Variants in SPRY2 observed in about 807,000 individuals in gnomAD.
The protein encoded by SPRY2 is protein sprouty homolog 2.
Under a neutral mutation model 23.4 loss-of-function variants are expected in SPRY2, and 10 were observed. The observed-to-expected ratio is 0.43, with a 90% confidence interval of 0.26 to 0.73. SPRY2 has a LOEUF of 0.73. Among genes scored for constraint, SPRY2 ranks in the 30% least tolerant of loss-of-function variants. The probability of loss-of-function intolerance (pLI) is 0.22; values close to 1 mark genes in which losing one functional copy is unlikely to be tolerated. For missense variants in SPRY2, 344 were observed against 396.9 expected (o/e 0.87, Z 1.13); for synonymous variants, 170 against 156.9 (o/e 1.08, Z -0.62).
In SPRY2 at chr13:80,337,167, T is replaced by C; in HGVS notation, c.539A>G (p.Asp180Gly). The C allele has an allele frequency of 6.2e-7, 1 of 1,613,846 alleles. No individual in the cohort carries two copies. The highest frequency in any genetic ancestry group is 8.5e-7 in the Non-Finnish European group (1 of 1,179,718). Reference protein sequence around the residue: ...DLGLHAYRCEDCGKCKCKECT... With the variant: ...DLGLHAYRCEGCGKCKCKECT... ...CTCCTTACATTTGCACTTGCCACAGTCCTCACACCTGTAGGCGTGCAGGCC... is the reference window on the plus strand; with the variant it reads ...CTCCTTACATTTGCACTTGCCACAGCCCTCACACCTGTAGGCGTGCAGGCC... Residue 180 changes from aspartate (D) to glycine (G), a missense_variant, in exon 2 of 2, where the codon GAC (aspartate) becomes GGC (glycine). Physicochemically the swap from Asp to Gly is moderately conservative, Grantham distance 94. Coordinates refer to ENST00000377104, the MANE Select transcript of SPRY2 (RefSeq NM_005842.4).
Position 80,337,660 on chromosome 13 carries a change from G to A in SPRY2, c.46C>T (p.Gln16Ter). 1 of 1,613,536 alleles carries A rather than the reference G, an allele frequency of 6.2e-7. No individual in the cohort carries two copies. Among genetic ancestry groups the A allele is most frequent in the Non-Finnish European group, 8.5e-7 (1 of 1,180,032 alleles). ...QSGNGSQPLL[Q>*]TPRDGGRQRG... is the part of the protein sequence containing the mutation. ...TGTCTGCCACCGTCACGGGGCGTCT[G>A]CAGCAAGGGCTGCGACCCGTTGCCA... is the stretch of plus-strand genomic sequence containing the variant. Residue 16 changes from glutamine to a stop codon, truncating the protein, a stop_gained, in exon 2 of 2, where the codon CAG (glutamine) becomes TAG (stop). Coordinates refer to ENST00000377104, the MANE Select transcript of SPRY2 (RefSeq NM_005842.4). LOFTEE classifies it high-confidence loss of function.
chr13:80,336,273 T>C lies in SPRY2; in HGVS notation c.*485A>G, dbSNP rs887918655. Reference sequence around the variant, plus strand: ...AGGCTTTCTGTAAGGCAAAATACAATCTAAAAACATACTGATTGATTCACA... The same window carrying C: ...AGGCTTTCTGTAAGGCAAAATACAACCTAAAAACATACTGATTGATTCACA... On this transcript the variant is annotated 3_prime_UTR_variant, in exon 2 of 2. Coordinates refer to ENST00000377104, the MANE Select transcript of SPRY2 (RefSeq NM_005842.4). 4 of 195,196 alleles carry C rather than the reference T, an allele frequency of 2.0e-5. No individual in the cohort carries two copies. The highest frequency in any genetic ancestry group is 9.5e-5 in the African/African-American group (4 of 42,144). The allele number at this position is 195,196 out of a possible 1,614,324, so 12.1% of individuals were successfully genotyped here.
At chr13:80,339,225 C>T (rs1358560872) in intron 1 of SPRY2, 1 of 152,372 alleles carries the variant, frequency 6.6e-6, no homozygotes, top group Non-Finnish European at 1.5e-5. Context: ...GCACAGGTTT[C>T]CCACCCCGAC....
rs780666583 is a variant in SPRY2 at position 80,337,217 on chromosome 13, AAGCTCACCTGGCTTG to A, written c.474_488del (p.Gly161_Pro165del). 12 of 1,611,912 alleles carry A rather than the reference AAGCTCACCTGGCTTG, an allele frequency of 7.4e-6. No individual in the cohort carries two copies. The South Asian group carries it at 1.3e-4, about 18-fold the overall frequency. On this transcript the variant is annotated inframe_deletion, in exon 2 of 2. Transcript: ENST00000377104. ...CCAAATCTTCCTTGCTCAGTGGCTTAAGCTCACCTGGCTTGAGCTCAGATTTGGGTTGCACCCGGA... is the reference window on the plus strand; with the variant it reads ...CCAAATCTTCCTTGCTCAGTGGCTTAAGCTCAGATTTGGGTTGCACCCGGA...
chr13:80,338,274 A>G (rs1880364934), intron 1 of SPRY2, among the ~76,000 whole-genome samples: 1 of 152,214 alleles, frequency 6.6e-6, no homozygotes, highest in Non-Finnish European at 1.5e-5. Flanking sequence ...TAACTTTTTC[A>G]AACCAGGTAG....
rs1262215276 is a variant in SPRY2 at position 80,337,791 on chromosome 13, C to G, written c.-51-35G>C. The G allele has an allele frequency of 9.8e-6, 12 of 1,221,896 alleles. No homozygotes were observed. The East Asian group carries it at 2.5e-4, about 25-fold the overall frequency. 75.7% of individuals were successfully genotyped at this position (1,221,896 alleles called of 1,614,324 possible). A position where few individuals can be genotyped will look rare whatever the true frequency, so the allele number is the denominator to read the frequency against. On this transcript the variant is annotated intron_variant, in intron 1 of 1. Transcript: ENST00000377104. ...CCAAGAGGAAAGAACGGTTGATACT[C>G]TAAGATACTTCCCACTCTCCACCCA...
rs549829518 is a variant in SPRY2, at chr13:80,340,546, C to A, written c.-52+76G>T. 3.9e-5 allele frequency: 6 copies of A among 152,378 alleles called. No individual in the cohort carries two copies. In the East Asian group the frequency reaches 1.2e-3, roughly 30 times the overall value. 9.4% of individuals were successfully genotyped at this position (152,378 alleles called of 1,614,324 possible). The stretch of plus-strand genomic sequence containing the variant: ...GGGAGAGACGGACCCAACTCCTGGT[C>A]CGGCTGCACCTACTCCATGTTGCCC... On this transcript the variant is annotated intron_variant, in intron 1 of 1. Coordinates refer to ENST00000377104, the MANE Select transcript of SPRY2 (RefSeq NM_005842.4).
At chr13:80,338,410 A>G (rs1462087480) in intron 1 of SPRY2, among the ~76,000 whole-genome samples, 1 of 152,210 alleles carries the variant, frequency 6.6e-6, no homozygotes, top group Non-Finnish European at 1.5e-5. Context: ...GGTGCCAGAA[A>G]CACATTAAAG....
Position 80,336,256 on chromosome 13 carries a change from T to C in SPRY2, c.*502A>G. On this transcript the variant is annotated 3_prime_UTR_variant, in exon 2 of 2. Transcript: ENST00000377104. ...TCAGAGTCTTACAATAAAGGCTTTC[T>C]GTAAGGCAAAATACAATCTAAAAAC... 1 of 182,096 alleles carries C rather than the reference T, an allele frequency of 5.5e-6. No individual in the cohort carries two copies. Among genetic ancestry groups the C allele is most frequent in the Non-Finnish European group, 1.2e-5 (1 of 85,580 alleles). 11.3% of individuals were successfully genotyped at this position (182,096 alleles called of 1,614,324 possible). A position where few individuals can be genotyped will look rare whatever the true frequency, so the allele number is the denominator to read the frequency against.
chr13:80,336,751 AATG>A lies in SPRY2; in HGVS notation c.*4_*6del. ...CCTCATTACTGTAATATTCCTGATT[AATG>A]ATGCTATGTTGGTTTTTCAAAGTTC... is the stretch of plus-strand genomic sequence containing the variant. On this transcript the variant is annotated 3_prime_UTR_variant, in exon 2 of 2. Coordinates refer to ENST00000377104, the MANE Select transcript of SPRY2 (RefSeq NM_005842.4). The A allele has an allele frequency of 6.2e-7, 1 of 1,612,642 alleles. No homozygotes were observed. Among genetic ancestry groups the A allele is most frequent in the Non-Finnish European group, 8.5e-7 (1 of 1,178,980 alleles).
At chr13:80,337,879 T>A in intron 1 of SPRY2, 123 bp from the exon 2 acceptor site, 2 of 699,110 alleles carry the variant, frequency 2.9e-6, no homozygotes, top group South Asian at 3.1e-5. Context: ...GGAATGGCAG[T>A]AGGGAGGTAT....
At chr13:80,337,781 G>C in intron 1 of SPRY2, 25 bp from the exon 2 acceptor site, 1 of 1,346,882 alleles carries the variant, frequency 7.4e-7, no homozygotes, top group Non-Finnish European at 1.0e-6. Context: ...AGGAAAGAAC[G>C]GTTGATACTC....
Position 80,336,079 on chromosome 13 carries a change from T to G in SPRY2, c.*679A>C, listed in dbSNP as rs1402404218. ...ACATCCTCATAAAAGGGGCAAAATTTGTAAGATGCCTCTTAAAATAAATAT... is the reference window on the plus strand; with the variant it reads ...ACATCCTCATAAAAGGGGCAAAATTGGTAAGATGCCTCTTAAAATAAATAT... On this transcript the variant is annotated 3_prime_UTR_variant, in exon 2 of 2. Transcript: ENST00000377104. The G allele has an allele frequency of 6.6e-6, 1 of 152,246 alleles. No homozygotes were observed. 9.4% of individuals were successfully genotyped at this position (152,246 alleles called of 1,614,324 possible). A position where few individuals can be genotyped will look rare whatever the true frequency, so the allele number is the denominator to read the frequency against.
Position 80,336,667 on chromosome 13 carries a change from G to A in SPRY2, c.*91C>T. 1.5e-6 allele frequency: 2 copies of A among 1,295,436 alleles called. No individual in the cohort carries two copies. The highest frequency in any genetic ancestry group is 2.2e-6 in the Non-Finnish European group (2 of 918,652). The allele number at this position is 1,295,436 out of a possible 1,614,324, so 80.2% of individuals were successfully genotyped here. On this transcript the variant is annotated 3_prime_UTR_variant, in exon 2 of 2. Transcript: ENST00000377104. Reference sequence around the variant, plus strand: ...ACTATCCCACCTTTCTATTAACAGTGCCAAGATTATAACTGTTTAGTTGGT... The same window carrying A: ...ACTATCCCACCTTTCTATTAACAGTACCAAGATTATAACTGTTTAGTTGGT...
At position 80,337,151 on chromosome 13, in the gene SPRY2, T is replaced by C; in HGVS notation, c.555A>G (p.Lys185=). Residue 185 remains lysine, a synonymous_variant, in exon 2 of 2, where the codon AAA becomes AAG. Transcript: ENST00000377104. ...AYRCEDCGKC[K]CKECTYPRPL... is the part of the protein sequence containing the mutation. ...GCCTTGGGTAGGTGCACTCCTTACA[T>C]TTGCACTTGCCACAGTCCTCACACC... 2 of 1,614,148 alleles carry C rather than the reference T, an allele frequency of 1.2e-6. No individual in the cohort carries two copies. The highest frequency in any genetic ancestry group is 1.7e-6 in the Non-Finnish European group (2 of 1,179,992).
chr13:80,337,478 C>T lies in SPRY2; in HGVS notation c.228G>A (p.Gln76=), dbSNP rs768949620. Residue 76 remains glutamine, a synonymous_variant, in exon 2 of 2, where the codon CAG becomes CAA. Transcript: ENST00000377104. The stretch of plus-strand genomic sequence containing the variant: ...GACCGTGGAGTCTCTCGTGTTTGTG[C>T]TGAGTGGAGGGGCGAGGAGCAGGCT... ...GLKPAPRPST[Q]HKHERLHGLP... 1.2e-6 allele frequency: 2 copies of T among 1,614,184 alleles called. No individual in the cohort carries two copies. Among genetic ancestry groups the T allele is most frequent in the Non-Finnish European group, 1.7e-6 (2 of 1,180,038 alleles).
At chr13:80,340,193 T>C (rs1880458451) in intron 1 of SPRY2, among the ~76,000 whole-genome samples, 1 of 152,250 alleles carries the variant, frequency 6.6e-6, no homozygotes, top group Admixed American at 6.5e-5. Context: ...CCCTGGACTT[T>C]GCCTTCCACC....
rs1205773136 is a variant in SPRY2, at chr13:80,336,720, A to G, written c.*38T>C. 6.3e-7 allele frequency: 1 copy of G among 1,587,002 alleles called. No individual in the cohort carries two copies. Among genetic ancestry groups the G allele is most frequent in the East Asian group, 2.3e-5 (1 of 44,296 alleles). ...CATATGTGTATTAAAAAAAGAAAGA[A>G]AAAATCCTCATTACTGTAATATTCC... On this transcript the variant is annotated 3_prime_UTR_variant, in exon 2 of 2. Transcript: ENST00000377104.
rs2137723765 is a variant in SPRY2 at position 80,336,803 on chromosome 13, G to A, written c.903C>T (p.Cys301=). ...TCCTAGGGGGGACAGTGGGAACTTT[G>A]CAGCAAACTGTGTTTGAGTTTTTAC... ...CRCKNSNTVC[C]KVPTVPPRNF... Residue 301 remains cysteine (C), a synonymous_variant, in exon 2 of 2, where the codon TGC becomes TGT. Transcript: ENST00000377104. The A allele has an allele frequency of 6.2e-7, 1 of 1,614,176 alleles. No individual in the cohort carries two copies. Among genetic ancestry groups the A allele is most frequent in the Non-Finnish European group, 8.5e-7 (1 of 1,180,042 alleles).
Sources: allele counts gnomAD v4.1 joint callset (sites outside exome capture counted in the v4.1 genomes callset), GRCh38; gene constraint gnomAD v4.1.1; transcripts MANE v1.5; gene names NCBI Gene and HGNC (gene_info 2026-07-23, HGNC 2026-07-21).